The following COL4A1 variants were observed in gnomAD, a reference collection of about 807,000 sequenced individuals.
COL4A1 encodes the protein collagen type IV alpha 1 chain, also known as collagen alpha-1(IV) chain.
COL4A1 carries 40 observed loss-of-function variants against 216.6 expected under a neutral mutation model. The ratio of observed to expected loss-of-function variants is 0.18; its 90% confidence interval spans 0.14 to 0.24. The LOEUF (loss-of-function observed/expected upper bound fraction) is 0.24. Among genes scored for constraint, COL4A1 ranks in the 10% least tolerant of loss-of-function variants. The pLI is 1.00. For synonymous variants in COL4A1, 839 were observed against 810.7 expected, an observed-to-expected ratio of 1.03 and a Z score of -0.59; for missense variants, 1,628 against 2,196.8, an observed-to-expected ratio of 0.74 and a Z score of 5.18.
intron 10 of COL4A1, chr13:110,209,757 G>T: frequency 2.6e-6 from 2 of 766,716 alleles, no homozygotes; most frequent in Non-Finnish European, 4.7e-6. Context: ...TTGTTTCAGG[G>T]TATCAGTTTA....
rs1383106727 is a variant in COL4A1, at chr13:110,254,758, T to C, written c.85-12024A>G. ...GGAATGTAACCCAAATTATATGACC[T>C]CCTGCCATTCTCTGTGTGTCCCCAT... is the stretch of plus-strand genomic sequence containing the variant. On this transcript the variant is annotated intron_variant, in intron 1 of 51. Transcript: ENST00000375820. Among the ~76,000 whole-genome samples, 11 of 152,242 alleles carry C rather than the reference T, an allele frequency of 7.2e-5. No homozygotes were observed. In the East Asian group the frequency reaches 1.9e-3, roughly 27 times the overall value.
chr13:110,189,505 C>A (rs1229920617), intron 24 of COL4A1, among the ~76,000 whole-genome samples: 7 of 152,174 alleles, frequency 4.6e-5, no homozygotes, highest in African/African-American at 1.7e-4. Flanking sequence ...ACTCTAATGC[C>A]CCTTATGACC....
intron 1 of COL4A1, among the ~76,000 whole-genome samples, chr13:110,272,720 A>C (rs1252195561): frequency 6.6e-6 from 1 of 152,252 alleles, no homozygotes; most frequent in Non-Finnish European, 1.5e-5. Context: ...TTTTCTTGCC[A>C]ACAGTAAGGT....
chr13:110,293,096 C>A (rs2139314141), intron 1 of COL4A1, among the ~76,000 whole-genome samples: 1 of 152,334 alleles, frequency 6.6e-6, no homozygotes. Flanking sequence ...ATGCTGGATT[C>A]CATTCAAGGT....
chr13:110,191,546 C>A lies in COL4A1; in HGVS notation c.1536+668G>T, dbSNP rs190014851. The A allele has an allele frequency of 1.7e-4, 101 of 601,742 alleles. No homozygotes were observed. The East Asian group carries it at 2.9e-3, about 17-fold the overall frequency. 37.3% of individuals were successfully genotyped at this position (601,742 alleles called of 1,614,324 possible). Reference sequence around the variant, plus strand: ...ATTATGCTCTTCTATTTAGTGGATTCTTTTAAAACAAACTACAAAAGCTAA... The same window carrying A: ...ATTATGCTCTTCTATTTAGTGGATTATTTTAAAACAAACTACAAAAGCTAA... On this transcript the variant is annotated intron_variant, in intron 24 of 51. Transcript: ENST00000375820.
intron 1 of COL4A1, among the ~76,000 whole-genome samples, chr13:110,273,593 G>A (rs1420918324): frequency 2.0e-5 from 3 of 152,196 alleles, no homozygotes; most frequent in Non-Finnish European, 4.4e-5. Context: ...TTGGAAAAAA[G>A]GGGTTTAAAT....
At chr13:110,180,050 C>A (rs1878074248) in intron 29 of COL4A1, among the ~76,000 whole-genome samples, 1 of 152,082 alleles carries the variant, frequency 6.6e-6, no homozygotes. Context: ...CCACCGGTGT[C>A]CCCTGTCTGC....
intron 2 of COL4A1, among the ~76,000 whole-genome samples, chr13:110,222,547 G>GTGGA (rs1293452978): frequency 7.3e-6 from 1 of 136,800 alleles, no homozygotes; most frequent in East Asian, 1.9e-4. Context: ...GCCGAGGCGG[G>GTGGA]TGGATCACGA....
At chr13:110,168,051 G>A (rs536170016) in intron 43 of COL4A1, among the ~76,000 whole-genome samples, 130 of 151,538 alleles carry the variant, frequency 8.6e-4, no homozygotes, top group Non-Finnish European at 1.4e-3. Context: ...ACAGAGTCTC[G>A]CTCTGTCATC....
intron 18 of COL4A1, chr13:110,201,796 A>G: frequency 1.7e-6 from 1 of 592,828 alleles, no homozygotes; most frequent in Non-Finnish European, 3.2e-6. Flanking sequence ...AGCCTGGTCA[A>G]TATGGTGAAA....
intron 22 of COL4A1, among the ~76,000 whole-genome samples, chr13:110,193,418 A>G (rs186401683): frequency 1.6e-3 from 246 of 152,344 alleles, no homozygotes; most frequent in South Asian, 8.7e-3. Context: ...AAGAGGAGAG[A>G]GACTGCAGCC....
At chr13:110,219,616 G>T (rs1880271898) in intron 2 of COL4A1, among the ~76,000 whole-genome samples, 1 of 147,558 alleles carries the variant, frequency 6.8e-6, no homozygotes, top group Non-Finnish European at 1.5e-5. Context: ...TTATGATGGG[G>T]TATGTCCCAA....
chr13:110,294,764 A>T (rs1884204813), intron 1 of COL4A1, among the ~76,000 whole-genome samples: 1 of 152,360 alleles, frequency 6.6e-6, no homozygotes, highest in Admixed American at 6.5e-5. Flanking sequence ...CTAGTTCAGC[A>T]TGATAAAAGG....
chr13:110,211,909 G>T lies in COL4A1; in HGVS notation c.401C>A (p.Pro134Gln), dbSNP rs140517831. The change falls in exon 7 of 52, where the codon CCG becomes CAG. Residue 134 changes from proline (P) to glutamine (Q), a missense_variant. Physicochemically the swap from Pro to Gln is moderately conservative, Grantham distance 76 (BLOSUM62 -1). Transcript: ENST00000375820. This position sits in a 1 kb window ranked among gnomAD's most constrained non-coding sequence, Gnocchi z 4.3. ...GCNGTKGERGPLGPPGLPGFA... is the reference protein window; with the variant it reads ...GCNGTKGERGQLGPPGLPGFA... ...ACCAGGCAAGCCAGGAGGCCCGAGC[G>T]GCCCTCTCTCCCCCTGGGGAGACAG... The T allele has an allele frequency of 6.2e-7, 1 of 1,613,934 alleles. No individual in the cohort carries two copies. Among genetic ancestry groups the T allele is most frequent in the Admixed American group, 1.7e-5 (1 of 60,006 alleles).
chr13:110,190,182 A>C (rs1878567682), intron 24 of COL4A1, among the ~76,000 whole-genome samples: 1 of 151,906 alleles, frequency 6.6e-6, no homozygotes. Flanking sequence ...AAACAGTGAC[A>C]TTGGTGACCC....
intron 2 of COL4A1, among the ~76,000 whole-genome samples, chr13:110,239,335 T>C (rs772178756): frequency 1.3e-5 from 2 of 152,196 alleles, no homozygotes; most frequent in Non-Finnish European, 2.9e-5. Context: ...CCAGTTTCTG[T>C]TGAGGATACT....
intron 1 of COL4A1, among the ~76,000 whole-genome samples, chr13:110,271,918 T>G (rs910956228): frequency 2.6e-5 from 4 of 152,232 alleles, no homozygotes; most frequent in African/African-American, 9.6e-5. Context: ...ATTTAAGAAT[T>G]TTATTAACTA....
In COL4A1 at chr13:110,171,719, C is replaced by T. The variant is rs578097746; in HGVS notation, c.3557-987G>A. On this transcript the variant is annotated intron_variant, in intron 41 of 51. Transcript: ENST00000375820. ...AATGAGTGGAAAACGCAAGGTGCTG[C>T]GTAGAGTTTGTGCAAGGGCAGTGCA... Among the ~76,000 whole-genome samples the T allele has an allele frequency of 8.5e-5, 13 of 152,280 alleles. No individual in the cohort carries two copies. In the South Asian group the frequency reaches 2.3e-3, roughly 27 times the overall value.
chr13:110,160,778 A>T (rs1345884134), intron 49 of COL4A1, among the ~76,000 whole-genome samples: 5 of 152,172 alleles, frequency 3.3e-5, no homozygotes, highest in Non-Finnish European at 7.4e-5. Flanking sequence ...GTGTGGTCTC[A>T]GTTCACTACA....
Sources: gnomAD v4.1 joint callset for allele counts (sites outside exome capture counted in the v4.1 genomes callset) on GRCh38, gnomAD v4.1.1 for gene constraint, Gnocchi (gnomAD v3.1) non-coding constraint, MANE v1.5 for transcripts, NCBI Gene and HGNC (gene_info 2026-07-23, HGNC 2026-07-21) for gene names.